PLD5: variants seen among roughly 807,000 people sequenced by gnomAD.
PLD5 encodes the protein phospholipase D family member 5.
PLD5 carries 36 observed loss-of-function variants against 61.1 expected under a neutral mutation model. The ratio of observed to expected loss-of-function variants is 0.59; its 90% CI spans 0.45 to 0.78. The LOEUF (loss-of-function observed/expected upper bound fraction) is 0.78, where lower values mean the gene tolerates loss of function less well. Among genes scored for constraint, PLD5 ranks in the 30% least tolerant of loss-of-function variants. The pLI, the probability that PLD5 is intolerant of heterozygous loss-of-function variation, is 0.00. For missense variants in PLD5, 515 were observed against 644.4 expected, an observed-to-expected ratio of 0.80 and a Z score of 2.17; for synonymous variants, 243 against 242.8, an observed-to-expected ratio of 1.00 and a Z score of -0.01.
chr1:242,373,135 C>A (rs900413308), intron 1 of PLD5, among the ~76,000 whole-genome samples: 2 of 151,934 alleles, frequency 1.3e-5, no homozygotes, highest in Non-Finnish European at 2.9e-5. Flanking sequence ...GGGCGAAGGA[C>A]AGTTTTTGAT....
At chr1:242,520,160 G>A (rs969932352) in intron 1 of PLD5, among the ~76,000 whole-genome samples, 5 of 152,090 alleles carry the variant, frequency 3.3e-5, no homozygotes, top group Non-Finnish European at 7.4e-5. Flanking sequence ...ATTTCTGGGC[G>A]GAAGCATTGA....
At chr1:242,494,556 A>G (rs554184982) in intron 1 of PLD5, among the ~76,000 whole-genome samples, 388 of 152,174 alleles carry the variant, frequency 2.5e-3, no homozygotes, top group African/African-American at 8.2e-3. Flanking sequence ...TCTAGCCAAC[A>G]TATCTACCTC....
chr1:242,248,030 T>G lies in PLD5; in HGVS notation c.607+17307A>C, dbSNP rs1245956973. 3.3e-5 allele frequency among the ~76,000 whole-genome samples: 5 copies of G among 152,242 alleles called. No individual in the cohort carries two copies. The East Asian group carries it at 9.6e-4, about 29-fold the overall frequency. ...TGACTCGTAGCACCTCTGGTCTTGC[T>G]GCTTTTTATCAAGTTGGTATAACTA... On this transcript the variant is annotated intron_variant, in intron 4 of 9. Transcript: ENST00000536534.
intron 5 of PLD5, among the ~76,000 whole-genome samples, chr1:242,150,237 CTT>C (rs1301738601): frequency 1.3e-5 from 2 of 151,428 alleles, no homozygotes; most frequent in Non-Finnish European, 3.0e-5. Flanking sequence ...TATTGGCTCT[CTT>C]GAGATATGTT....
intron 2 of PLD5, among the ~76,000 whole-genome samples, chr1:242,313,484 G>A (rs1676826149): frequency 6.6e-6 from 1 of 152,136 alleles, no homozygotes; most frequent in South Asian, 2.1e-4. Context: ...TTATTCTAGT[G>A]GCATTATGAG....
chr1:242,173,159 C>T (rs4039791), intron 5 of PLD5, among the ~76,000 whole-genome samples: 72,279 of 151,860 alleles, frequency 0.48, 17,642 homozygotes, highest in East Asian at 0.68. Flanking sequence ...AAAACCCCAT[C>T]GTCTCAGCCC....
At chr1:242,110,749 G>T (rs1293433933) in intron 7 of PLD5, among the ~76,000 whole-genome samples, 1 of 152,110 alleles carries the variant, frequency 6.6e-6, no homozygotes. Context: ...GGCAGAGGTT[G>T]CAGTGAGCCG....
chr1:242,109,938 A>T (rs1327714052), intron 7 of PLD5, among the ~76,000 whole-genome samples: 1 of 151,530 alleles, frequency 6.6e-6, no homozygotes, highest in Non-Finnish European at 1.5e-5. Context: ...CTCAACCTCC[A>T]TCTAACAAGA....
chr1:242,451,014 G>C (rs1439599168), intron 1 of PLD5, among the ~76,000 whole-genome samples: 1 of 152,138 alleles, frequency 6.6e-6, no homozygotes, highest in Admixed American at 6.5e-5. Context: ...CCCATCCTGA[G>C]GTCCTTTCTC....
At chr1:242,115,196 A>G (rs1661846815) in intron 6 of PLD5, among the ~76,000 whole-genome samples, 1 of 150,890 alleles carries the variant, frequency 6.6e-6, no homozygotes, top group African/African-American at 2.5e-5. Flanking sequence ...AAAGAAAAAA[A>G]AGAAAAAAGA....
chr1:242,374,718 C>T (rs1173238209), intron 1 of PLD5, among the ~76,000 whole-genome samples: 1 of 152,190 alleles, frequency 6.6e-6, no homozygotes, highest in African/African-American at 2.4e-5. Context: ...TCTAGACAGA[C>T]AAGCCTTGCT....
chr1:242,519,244 G>T (rs1330480563), intron 1 of PLD5, among the ~76,000 whole-genome samples: 1 of 152,134 alleles, frequency 6.6e-6, no homozygotes, highest in Non-Finnish European at 1.5e-5. Context: ...TACATAATAT[G>T]AGCCTAGACC....
chr1:242,397,194 C>T (rs1449974931), intron 1 of PLD5, among the ~76,000 whole-genome samples: 2 of 152,134 alleles, frequency 1.3e-5, no homozygotes, highest in Non-Finnish European at 2.9e-5. Context: ...CTCGTTGGAC[C>T]CTTCCTCTGA....
chr1:242,402,205 T>C (rs1332639049), intron 1 of PLD5, among the ~76,000 whole-genome samples: 1 of 152,218 alleles, frequency 6.6e-6, no homozygotes, highest in Non-Finnish European at 1.5e-5. Context: ...AGATGTAATT[T>C]AGATAAACTA....
intron 2 of PLD5, among the ~76,000 whole-genome samples, chr1:242,336,161 A>G (rs1017808723): frequency 6.6e-6 from 1 of 152,190 alleles, no homozygotes; most frequent in African/African-American, 2.4e-5. Flanking sequence ...AGAATTTGAT[A>G]ATTTGTGATG....
At chr1:242,271,171 T>A (rs745466632) in intron 3 of PLD5, among the ~76,000 whole-genome samples, 2 of 141,290 alleles carry the variant, frequency 1.4e-5, no homozygotes, top group African/African-American at 5.5e-5. Context: ...AAAGTACACA[T>A]GTGCATGTAC....
At chr1:242,369,802 C>T (rs1174526365) in intron 1 of PLD5, among the ~76,000 whole-genome samples, 6 of 152,112 alleles carry the variant, frequency 3.9e-5, no homozygotes, top group Non-Finnish European at 7.4e-5. Context: ...GTTCAATTTT[C>T]CTAAGACACA....
At chr1:242,418,352 A>T (rs1664942455) in intron 1 of PLD5, among the ~76,000 whole-genome samples, 2 of 152,258 alleles carry the variant, frequency 1.3e-5, no homozygotes, top group South Asian at 4.2e-4. Flanking sequence ...TGGACATACA[A>T]AGTAAGCATC....
chr1:242,471,546 A>C (rs1006919745), intron 1 of PLD5, among the ~76,000 whole-genome samples: 3 of 152,146 alleles, frequency 2.0e-5, no homozygotes, highest in African/African-American at 7.2e-5. Context: ...CTAGTACTGT[A>C]AATACTAGAT....
Sources: gnomAD v4.1 joint callset for allele counts (sites outside exome capture counted in the v4.1 genomes callset) on GRCh38, gnomAD v4.1.1 for gene constraint, MANE v1.5 for transcripts, NCBI Gene and HGNC (gene_info 2026-07-23, HGNC 2026-07-21) for gene names.